CACNB4: variants seen among roughly 807,000 people sequenced by gnomAD.
CACNB4 encodes calcium voltage-gated channel auxiliary subunit beta 4.
Under a neutral mutation model 71.2 loss-of-function variants are expected in CACNB4, and 32 were observed. The observed-to-expected ratio is 0.45, with a 90% CI of 0.34 to 0.60. The LOEUF is 0.60. CACNB4 is among the 20% of genes least tolerant of loss of function. The pLI, the probability that CACNB4 is intolerant of heterozygous loss-of-function variation, is 0.01. For synonymous variants in CACNB4, 231 were observed against 236.9 expected (o/e 0.97, Z 0.23); for missense variants, 464 against 647.9 (o/e 0.72, Z 3.08).
chr2:151,942,473 T>C (rs2099864499), intron 2 of CACNB4, among the ~76,000 whole-genome samples: 1 of 148,942 alleles, frequency 6.7e-6, no homozygotes, highest in Non-Finnish European at 1.5e-5. Flanking sequence ...GTTTGAACAA[T>C]ATGAAATCAG....
intron 2 of CACNB4, among the ~76,000 whole-genome samples, chr2:151,965,056 T>A (rs1225384742): frequency 6.6e-6 from 1 of 152,236 alleles, no homozygotes; most frequent in Non-Finnish European, 1.5e-5. Flanking sequence ...ATTCTATCAC[T>A]TGGATCAATA....
intron 2 of CACNB4, chr2:151,973,596 C>A: frequency 7.4e-7 from 1 of 1,356,120 alleles, no homozygotes. Context: ...AAATAAGAAG[C>A]GGGGGGGTGG....
chr2:151,993,926 C>A (rs371243763), intron 2 of CACNB4, among the ~76,000 whole-genome samples: 1 of 151,396 alleles, frequency 6.6e-6, no homozygotes, highest in Non-Finnish European at 1.5e-5. Flanking sequence ...AATCCCAGCA[C>A]TTTGGGAGGT....
At chr2:152,015,108 T>C (rs1286698146) in intron 2 of CACNB4, among the ~76,000 whole-genome samples, 1 of 152,124 alleles carries the variant, frequency 6.6e-6, no homozygotes, top group Non-Finnish European at 1.5e-5. Context: ...GATTCCACCA[T>C]TACTCCCCTC....
At position 152,098,770 on chromosome 2, in the gene CACNB4, G is replaced by T. The variant is rs989584557; in HGVS notation, c.63+179C>A. Reference sequence around the variant, plus strand: ...TGAGGAGGAGGAGGAAGAGAAGGAGGAGAAAGAGGAGGAGCGGGAGGAGAA... The same window carrying T: ...TGAGGAGGAGGAGGAAGAGAAGGAGTAGAAAGAGGAGGAGCGGGAGGAGAA... On this transcript the variant is annotated intron_variant, in intron 1 of 13. Transcript: ENST00000539935. This position sits in a 1 kb window ranked among gnomAD's most constrained non-coding sequence, Gnocchi z 5.3. 344 of 1,294,450 alleles carry T rather than the reference G, an allele frequency of 2.7e-4. No individual in the cohort carries two copies. Among genetic ancestry groups the T allele is most frequent in the Non-Finnish European group, 3.6e-4 (336 of 935,008 alleles). 80.2% of individuals were successfully genotyped at this position (1,294,450 alleles called of 1,614,324 possible).
At chr2:152,001,205 T>C (rs905112342) in intron 2 of CACNB4, among the ~76,000 whole-genome samples, 1 of 152,116 alleles carries the variant, frequency 6.6e-6, no homozygotes, top group African/African-American at 2.4e-5. Flanking sequence ...CACAGCCTCC[T>C]GCCTCTTGCC....
chr2:151,972,494 C>T (rs1468096873), intron 2 of CACNB4: 4 of 152,172 alleles, frequency 2.6e-5, no homozygotes, highest in African/African-American at 9.7e-5. Context: ...CAGTCCCTTA[C>T]AATACACTGA....
At chr2:152,037,266 A>G (rs980480299) in intron 2 of CACNB4, among the ~76,000 whole-genome samples, 3 of 152,232 alleles carry the variant, frequency 2.0e-5, no homozygotes, top group Non-Finnish European at 4.4e-5. Context: ...TAACAATAAC[A>G]CACTTGCTAT....
rs369276166 is a variant in CACNB4 at position 151,842,014 on chromosome 2, C to G, written c.1191G>C (p.Ala397=). Residue 397 remains alanine (A), a synonymous_variant, in exon 13 of 14, where the codon GCG becomes GCC. Coordinates refer to ENST00000539935, the MANE Select transcript of CACNB4 (RefSeq NM_000726.5). ...ACEHLGEYLE[A]YWRATHTTSS... ...TGGTTGTGTGGGTGGCACGCCAGTA[C>G]GCCTCCAGGTACTCCCCTAGATGTT... 2 of 1,613,608 alleles carry G rather than the reference C, an allele frequency of 1.2e-6. No homozygotes were observed. Among genetic ancestry groups the G allele is most frequent in the Non-Finnish European group, 8.5e-7 (1 of 1,179,712 alleles).
At chr2:151,913,628 T>G in intron 2 of CACNB4, among the ~76,000 whole-genome samples, 1 of 150,436 alleles carries the variant, frequency 6.6e-6, no homozygotes, top group Non-Finnish European at 1.5e-5. Flanking sequence ...TCGCCAGGGG[T>G]GGTGATGGGT....
Position 151,945,926 on chromosome 2 carries a change from T to C in CACNB4, c.148-62556A>G, listed in dbSNP as rs932575290. 2.0e-5 allele frequency among the ~76,000 whole-genome samples: 3 copies of C among 151,158 alleles called. No homozygotes were observed. In the East Asian group the frequency reaches 5.8e-4, roughly 29 times the overall value. On this transcript the variant is annotated intron_variant, in intron 2 of 13. Coordinates refer to ENST00000539935, the MANE Select transcript of CACNB4 (RefSeq NM_000726.5). Reference sequence around the variant, plus strand: ...ATGTGTGTGTGCGCGTGTGTGTATATACAAAGAAGTTAGAACAGCACTGGC... The same window carrying C: ...ATGTGTGTGTGCGCGTGTGTGTATACACAAAGAAGTTAGAACAGCACTGGC...
chr2:152,093,348 T>A (rs1688082732), intron 2 of CACNB4, among the ~76,000 whole-genome samples: 1 of 152,150 alleles, frequency 6.6e-6, no homozygotes, highest in African/African-American at 2.4e-5. Flanking sequence ...AATTGAATAA[T>A]CTTTACATTC....
chr2:152,067,278 T>G (rs926984820), intron 2 of CACNB4, among the ~76,000 whole-genome samples: 1 of 152,166 alleles, frequency 6.6e-6, no homozygotes, highest in Non-Finnish European at 1.5e-5. Context: ...AGTTCTGAGA[T>G]ATATTTTATA....
intron 2 of CACNB4, among the ~76,000 whole-genome samples, chr2:151,997,528 T>C (rs556373159): frequency 9.9e-4 from 113 of 114,526 alleles, no homozygotes; most frequent in African/African-American, 2.7e-3. Flanking sequence ...AGTGAGACTC[T>C]GTCTCAAAAA....
chr2:152,098,383 T>G lies in CACNB4; in HGVS notation c.94A>C (p.Arg32=). 13 of 1,613,674 alleles carry G rather than the reference T, an allele frequency of 8.1e-6. No homozygotes were observed. The highest frequency in any genetic ancestry group is 1.0e-5 in the Non-Finnish European group (12 of 1,179,632). Residue 32 remains arginine (R), a synonymous_variant, in exon 2 of 14, where the codon AGG becomes CGG. Transcript: ENST00000539935. The surrounding 1 kb of genome is among the most constrained non-coding windows in gnomAD (Gnocchi z 5.3). ...GTGCTGCCATCGGATCTTTTCAACC[T>G]GCTCCTCCGGGTTGTGGTGCCTCGG... ...VARGTTTRRS[R]LKRSDGSTTS... is the part of the protein sequence containing the mutation.
At chr2:152,003,852 TA>T (rs199609366) in intron 2 of CACNB4, among the ~76,000 whole-genome samples, 14 of 151,278 alleles carry the variant, frequency 9.3e-5, no homozygotes, top group Admixed American at 5.9e-4. Flanking sequence ...AACCTTACTT[TA>T]AAAAAAAACC....
intron 2 of CACNB4, among the ~76,000 whole-genome samples, chr2:152,087,753 C>G (rs926870027): frequency 2.0e-5 from 3 of 152,124 alleles, no homozygotes; most frequent in African/African-American, 7.2e-5. Context: ...ATGGTGCACG[C>G]CTGCAGTCCC....
chr2:151,990,228 C>T (rs1681629865), intron 2 of CACNB4, among the ~76,000 whole-genome samples: 1 of 152,208 alleles, frequency 6.6e-6, no homozygotes, highest in Non-Finnish European at 1.5e-5. Context: ...CCATAATTTC[C>T]TCACACATGC....
intron 2 of CACNB4, among the ~76,000 whole-genome samples, chr2:152,071,385 G>A (rs925315306): frequency 6.6e-6 from 1 of 152,148 alleles, no homozygotes; most frequent in Non-Finnish European, 1.5e-5. Context: ...AGTTACAGAA[G>A]ATCTGGCAAA....
Sources: gnomAD v4.1 joint callset for allele counts (sites outside exome capture counted in the v4.1 genomes callset) on GRCh38, gnomAD v4.1.1 for gene constraint, Gnocchi (gnomAD v3.1) non-coding constraint, MANE v1.5 for transcripts, NCBI Gene and HGNC (gene_info 2026-07-23, HGNC 2026-07-21) for gene names.